REELD1: variants seen among roughly 807,000 people sequenced by gnomAD.
REELD1 encodes the protein reeler domain containing 1.
REELD1 carries 12 observed loss-of-function variants against 6.3 expected under a neutral mutation model. The observed-to-expected ratio is 1.89, with a 90% confidence interval of 1.21 to 3.07. The LOEUF is 3.07. Ranked by LOEUF, REELD1 falls within the 30% of genes most tolerant of loss-of-function variation. The pLI is 0.00. For synonymous variants in REELD1, 57 were observed against 33.6 expected, an observed-to-expected ratio of 1.70 and a Z score of -2.42; for missense variants, 163 against 86.8, an observed-to-expected ratio of 1.88 and a Z score of -3.49.
chr4:146,226,516 G>A (rs899132353), intron 5 of REELD1, among the ~76,000 whole-genome samples: 5 of 152,162 alleles, frequency 3.3e-5, no homozygotes, highest in African/African-American at 9.7e-5. Context: ...AGGGAGGGAT[G>A]ATCTGTGCCT....
intron 3 of REELD1, among the ~76,000 whole-genome samples, chr4:146,219,191 CTA>C (rs1379755314): frequency 2.0e-5 from 3 of 152,100 alleles, no homozygotes; most frequent in African/African-American, 7.2e-5. Flanking sequence ...CAAAAAACCA[CTA>C]TGTCAGTGAG....
rs1263404322 is a variant in REELD1, at chr4:146,228,271, T to A, written c.657T>A (p.Pro219=). ...QHTHVFAVAL[P]GAAEEDNLDP... is the part of the protein sequence containing the mutation. ...CACATGTCTTTGCTGTTGCCCTTCC[T>A]GGAGCTGCAGAGGAGGACAACCTAG... is the stretch of plus-strand genomic sequence containing the variant. The change falls in exon 6 of 8, where the codon CCT becomes CCA. Residue 219 remains proline, a synonymous_variant. Transcript: ENST00000623665. The A allele has an allele frequency of 1.4e-6, 1 of 702,596 alleles. No individual in the cohort carries two copies. Among genetic ancestry groups the A allele is most frequent in the East Asian group, 2.7e-5 (1 of 37,292 alleles). The allele number at this position is 702,596 out of a possible 1,614,324, so 43.5% of individuals were successfully genotyped here.
intron 5 of REELD1, 80 bp from the exon 6 acceptor site, chr4:146,228,130 C>A (rs189481608): frequency 4.6e-6 from 3 of 649,306 alleles, no homozygotes; most frequent in Non-Finnish European, 8.4e-6. Context: ...GCTGTTTACC[C>A]CTGATCATAG....
rs570517260 is a variant in REELD1 at position 146,229,972 on chromosome 4, C to T, written c.1040C>T (p.Pro347Leu). Residue 347 changes from proline (P) to leucine (L), a missense_variant, in exon 8 of 8, where the codon CCC (proline) becomes CTC (leucine). Pro to Leu is a moderately conservative substitution (Grantham distance 98). Transcript: ENST00000623665. ...CTGTCCACCGTCCAGCTTACCTATCCCCAGTGCCTCTGGTCCTCTGAAACT... is the reference window on the plus strand; with the variant it reads ...CTGTCCACCGTCCAGCTTACCTATCTCCAGTGCCTCTGGTCCTCTGAAACT... ...PPLSTVQLTYPQCLWSSETFT... is the reference protein window; with the variant it reads ...PPLSTVQLTYLQCLWSSETFT... The T allele has an allele frequency of 4.3e-5, 17 of 398,744 alleles. No homozygotes were observed. The highest frequency in any genetic ancestry group is 3.5e-4 in the African/African-American group (17 of 48,752). 24.7% of individuals were successfully genotyped at this position (398,744 alleles called of 1,614,324 possible).
intron 3 of REELD1, among the ~76,000 whole-genome samples, chr4:146,219,982 C>T (rs551457349): frequency 2.9e-4 from 44 of 152,284 alleles, no homozygotes; most frequent in African/African-American, 8.4e-4. Context: ...CTCACTCTGT[C>T]ACCCAGGTTG....
chr4:146,230,445 T>C lies in REELD1; in HGVS notation c.1513T>C (p.Phe505Leu). ...VHVRKIGENS[F>L]VLVQAEYNWI... ...CGTCAGGAAGATTGGGGAGAACAGT[T>C]TTGTTTTGGTTCAAGCAGAGTACAA... The change falls in exon 8 of 8, where the codon TTT becomes CTT. Residue 505 changes from phenylalanine to leucine, a missense_variant. Physicochemically the swap from Phe to Leu is conservative, Grantham distance 22 (BLOSUM62 0). Coordinates refer to ENST00000623665, the MANE Select transcript of REELD1 (RefSeq NM_001354631.1). The C allele has an allele frequency of 2.5e-6, 1 of 398,652 alleles. No homozygotes were observed. Among genetic ancestry groups the C allele is most frequent in the African/African-American group, 2.1e-5 (1 of 48,756 alleles). 24.7% of individuals were successfully genotyped at this position (398,652 alleles called of 1,614,324 possible).
chr4:146,230,334 C>A lies in REELD1; in HGVS notation c.1402C>A (p.Gln468Lys). 1 of 398,910 alleles carries A rather than the reference C, an allele frequency of 2.5e-6. No individual in the cohort carries two copies. The highest frequency in any genetic ancestry group is 1.3e-4 in the South Asian group (1 of 7,864). The allele number at this position is 398,910 out of a possible 1,614,324, so 24.7% of individuals were successfully genotyped here. ...LAAGLRYLHT[Q>K]YCHQQTEVSF... ...CGCTGGCCTTCGCTACCTGCACACC[C>A]AGTATTGCCACCAGCAGACAGAAGT... The change falls in exon 8 of 8, where the codon CAG becomes AAG. Residue 468 changes from glutamine to lysine, a missense_variant. Physicochemically the swap from Gln to Lys is moderately conservative, Grantham distance 53 (BLOSUM62 1). Transcript: ENST00000623665.
At chr4:146,221,676 T>C (rs1428262172) in intron 3 of REELD1, among the ~76,000 whole-genome samples, 2 of 152,124 alleles carry the variant, frequency 1.3e-5, no homozygotes, top group Non-Finnish European at 2.9e-5. Flanking sequence ...CTGGCCAACA[T>C]GATGAAACCC....
intron 3 of REELD1, among the ~76,000 whole-genome samples, chr4:146,218,216 G>A (rs143963957): frequency 7.6e-4 from 116 of 152,312 alleles, no homozygotes; most frequent in Admixed American, 1.4e-3. Context: ...AGATGCAGGG[G>A]CAGGGAACTT....
chr4:146,216,041 G>T (rs1730820779), intron 2 of REELD1, among the ~76,000 whole-genome samples: 1 of 152,230 alleles, frequency 6.6e-6, no homozygotes, highest in East Asian at 1.9e-4. Flanking sequence ...GTGAGCCACC[G>T]CACCTGGCCT....
At position 146,228,343 on chromosome 4, in the gene REELD1, A is replaced by G. The variant is rs149144473; in HGVS notation, c.729A>G (p.Ala243=). 1.7e-5 allele frequency: 12 copies of G among 702,520 alleles called. No individual in the cohort carries two copies. The highest frequency in any genetic ancestry group is 2.3e-4 in the Middle Eastern group (1 of 4,370). The allele number at this position is 702,520 out of a possible 1,614,324, so 43.5% of individuals were successfully genotyped here. A position where few individuals can be genotyped will look rare whatever the true frequency, so the allele number is the denominator to read the frequency against. ...SIWVTKFPGD[A]ETLSQPSSHT... ...GGGTGACAAAGTTTCCTGGGGATGCAGAGACTCTGTCCCAACCATCTTCAC... is the reference window on the plus strand; with the variant it reads ...GGGTGACAAAGTTTCCTGGGGATGCGGAGACTCTGTCCCAACCATCTTCAC... Residue 243 remains alanine (A), a synonymous_variant, in exon 6 of 8, where the codon GCA becomes GCG. Coordinates refer to ENST00000623665, the MANE Select transcript of REELD1 (RefSeq NM_001354631.1).
chr4:146,220,549 A>G (rs1730906592), intron 3 of REELD1, among the ~76,000 whole-genome samples: 1 of 151,952 alleles, frequency 6.6e-6, no homozygotes, highest in African/African-American at 2.4e-5. Flanking sequence ...AGATCCTAAG[A>G]TTTTTCGATT....
chr4:146,220,969 G>A lies in REELD1; in HGVS notation c.209-1388G>A, dbSNP rs190045772. Reference sequence around the variant, plus strand: ...ATCAGTGTTTGCCATATTTATTTGTGCAAGTTTGTCAGTGGGGAAAATTCC... The same window carrying A: ...ATCAGTGTTTGCCATATTTATTTGTACAAGTTTGTCAGTGGGGAAAATTCC... On this transcript the variant is annotated intron_variant, in intron 3 of 7. Transcript: ENST00000623665. Among the ~76,000 whole-genome samples the A allele has an allele frequency of 2.6e-5, 4 of 152,286 alleles. No individual in the cohort carries two copies. The East Asian group carries it at 7.7e-4, about 29-fold the overall frequency.
In REELD1 at chr4:146,219,330, C is replaced by T. The variant is rs76555178; in HGVS notation, c.208+2170C>T. Among the ~76,000 whole-genome samples the T allele has an allele frequency of 5.2e-3, 790 of 152,288 alleles. 11 individuals carry two copies. Among genetic ancestry groups the T allele is most frequent in the African/African-American group, 0.017 (725 of 41,552 alleles). On this transcript the variant is annotated intron_variant, in intron 3 of 7. Transcript: ENST00000623665. The stretch of plus-strand genomic sequence containing the variant: ...TAATAAATGACTTGACAGAGTGCCT[C>T]ATGGATTCAATGAGAGTCAGTTATT...
At chr4:146,216,138 T>A (rs1730822226) in intron 2 of REELD1, among the ~76,000 whole-genome samples, 1 of 152,258 alleles carries the variant, frequency 6.6e-6, no homozygotes, top group Non-Finnish European at 1.5e-5. Context: ...ATCTCTCATT[T>A]TATTTTTGTC....
chr4:146,230,385 G>A lies in REELD1; in HGVS notation c.1453G>A (p.Ala485Thr). The A allele has an allele frequency of 2.5e-6, 1 of 398,784 alleles. No individual in the cohort carries two copies. The highest frequency in any genetic ancestry group is 4.4e-5 in the Admixed American group (1 of 22,744). The allele number at this position is 398,784 out of a possible 1,614,324, so 24.7% of individuals were successfully genotyped here. A position where few individuals can be genotyped will look rare whatever the true frequency, so the allele number is the denominator to read the frequency against. ...EVSFSEPASD[A>T]VARSNSGETV... ...GTCTTTCAGTGAGCCCGCTTCGGAT[G>A]CTGTTGCCAGGAGCAACAGTGGTGA... The change falls in exon 8 of 8, where the codon GCT becomes ACT. Residue 485 changes from alanine to threonine, a missense_variant. Physicochemically the swap from Ala to Thr is moderately conservative, Grantham distance 58 (BLOSUM62 0). Coordinates refer to ENST00000623665, the MANE Select transcript of REELD1 (RefSeq NM_001354631.1).
rs1248012528 is a variant in REELD1, at chr4:146,222,685, G to A, written c.431+106G>A. The A allele has an allele frequency of 7.3e-5, 29 of 397,312 alleles. No individual in the cohort carries two copies. The East Asian group carries it at 1.0e-3, about 14-fold the overall frequency. 24.6% of individuals were successfully genotyped at this position (397,312 alleles called of 1,614,324 possible). A position where few individuals can be genotyped will look rare whatever the true frequency, so the allele number is the denominator to read the frequency against. On this transcript the variant is annotated intron_variant, in intron 4 of 7. Transcript: ENST00000623665. ...TATTCCCTTTCCCCCTCCTTATGTG[G>A]CCACCTTATAGCAAGGACAGGGTCA...
In REELD1 at chr4:146,231,096, A is replaced by G. The variant is rs1322099644; in HGVS notation, c.*583A>G. On this transcript the variant is annotated 3_prime_UTR_variant, in exon 8 of 8. Transcript: ENST00000623665. Reference sequence around the variant, plus strand: ...TCTGGGCAACTCAGCAGCCTGGCAAATCCGCCATGGAAATTGATCCAAAGT... The same window carrying G: ...TCTGGGCAACTCAGCAGCCTGGCAAGTCCGCCATGGAAATTGATCCAAAGT... 6.6e-6 allele frequency among the ~76,000 whole-genome samples: 1 copy of G among 152,216 alleles called. No homozygotes were observed. Among genetic ancestry groups the G allele is most frequent in the East Asian group, 1.9e-4 (1 of 5,202 alleles).
In REELD1 at chr4:146,230,057, T is replaced by A. The variant is rs1242363483; in HGVS notation, c.1125T>A (p.Thr375=). The A allele has an allele frequency of 1.8e-5, 7 of 398,714 alleles. No homozygotes were observed. Among genetic ancestry groups the A allele is most frequent in the Non-Finnish European group, 2.7e-5 (6 of 226,224 alleles). The allele number at this position is 398,714 out of a possible 1,614,324, so 24.7% of individuals were successfully genotyped here. A position where few individuals can be genotyped will look rare whatever the true frequency, so the allele number is the denominator to read the frequency against. Residue 375 remains threonine, a synonymous_variant, in exon 8 of 8, where the codon ACT becomes ACA. Transcript: ENST00000623665. ...NPIPVLQTSG[T]SGLPAAGDQS... ...TCCCTGTCCTCCAGACCTCTGGCAC[T>A]TCTGGGCTACCTGCTGCTGGTGACC...
Sources: allele counts gnomAD v4.1 joint callset (sites outside exome capture counted in the v4.1 genomes callset), GRCh38; gene constraint gnomAD v4.1.1; transcripts MANE v1.5; gene names NCBI Gene and HGNC (gene_info 2026-07-23, HGNC 2026-07-21).